MAP7: variants seen among roughly 807,000 people sequenced by gnomAD.
MAP7 encodes microtubule associated protein 7, also known as ensconsin.
MAP7 carries 52 observed loss-of-function variants against 94.8 expected under a neutral mutation model. The ratio of observed to expected loss-of-function variants is 0.55; its 90% CI spans 0.44 to 0.69. The LOEUF (loss-of-function observed/expected upper bound fraction) is 0.69, where lower values mean the gene tolerates loss of function less well. Ranked by LOEUF, MAP7 falls within the 30% of genes least tolerant of loss-of-function variation. The pLI, the probability that MAP7 is intolerant of heterozygous loss-of-function variation, is 0.00. For missense variants in MAP7, 940 were observed against 964.6 expected, an observed-to-expected ratio of 0.97 and a Z score of 0.34; for synonymous variants, 350 against 357.0, an observed-to-expected ratio of 0.98 and a Z score of 0.22.
rs1175915341 is a variant in MAP7, at chr6:136,505,271, G to GTATATA, written c.67+45070_67+45071insTATATA. On this transcript the variant is annotated intron_variant, in intron 1 of 17. Transcript: ENST00000354570. ...ATGTAATGTGTGTGTGTGTGTGTGT[G>GTATATA]TGTGTGTATATATATATATATATAT... Among the ~76,000 whole-genome samples, 310 of 95,244 alleles carry GTATATA rather than the reference G, an allele frequency of 3.3e-3. 2 individuals carry two copies. The highest frequency in any genetic ancestry group is 5.2e-3 in the East Asian group (11 of 2,134). The allele number at this position is 95,244 out of a possible 152,430, so 62.5% of individuals were successfully genotyped here.
At chr6:136,541,509 C>G (rs1480605509) in intron 1 of MAP7, among the ~76,000 whole-genome samples, 1 of 152,152 alleles carries the variant, frequency 6.6e-6, no homozygotes, top group Non-Finnish European at 1.5e-5. Flanking sequence ...ATACTCTAAA[C>G]TTAAAGATAT....
intron 1 of MAP7, among the ~76,000 whole-genome samples, chr6:136,457,852 G>C (rs1803847910): frequency 6.6e-6 from 1 of 152,098 alleles, no homozygotes; most frequent in Non-Finnish European, 1.5e-5. Flanking sequence ...CATCATCTCA[G>C]TAGTGAAAAA....
intron 1 of MAP7, among the ~76,000 whole-genome samples, chr6:136,538,484 A>C (rs1368612537): frequency 1.3e-5 from 2 of 152,058 alleles, no homozygotes; most frequent in Non-Finnish European, 2.9e-5. Context: ...TTAGCAAAGG[A>C]CTTAAAATTT....
chr6:136,372,774 A>G, intron 7 of MAP7, 149 bp from the exon 8 acceptor site: 2 of 882,126 alleles, frequency 2.3e-6, no homozygotes, highest in South Asian at 3.3e-5. Context: ...AGATGTTATT[A>G]CCTAAAGGTG....
intron 1 of MAP7, among the ~76,000 whole-genome samples, chr6:136,422,714 T>C (rs1791766015): frequency 6.6e-6 from 1 of 152,250 alleles, no homozygotes; most frequent in Non-Finnish European, 1.5e-5. Flanking sequence ...ATAGGTTAAA[T>C]TTCGTAAAAT....
intron 1 of MAP7, among the ~76,000 whole-genome samples, chr6:136,498,325 A>C (rs139518292): frequency 3.3e-5 from 5 of 152,182 alleles, no homozygotes; most frequent in African/African-American, 1.2e-4. Context: ...GAGTAGAGGG[A>C]ATAGGGCCCG....
At chr6:136,516,568 G>A (rs574561953) in intron 1 of MAP7, among the ~76,000 whole-genome samples, 1 of 152,142 alleles carries the variant, frequency 6.6e-6, no homozygotes, top group South Asian at 2.1e-4. Context: ...AGCTCCAAGC[G>A]AGACAGTATC....
chr6:136,548,292 A>T (rs1829886728), intron 1 of MAP7, among the ~76,000 whole-genome samples: 1 of 152,146 alleles, frequency 6.6e-6, no homozygotes, highest in Non-Finnish European at 1.5e-5. Context: ...AAACAATCTC[A>T]CTTGTTCTCT....
chr6:136,538,697 T>C (rs2129058989), intron 1 of MAP7, among the ~76,000 whole-genome samples: 1 of 144,690 alleles, frequency 6.9e-6, no homozygotes, highest in East Asian at 2.1e-4. Flanking sequence ...GGGGCTGAGA[T>C]GGGAGGATCG....
At position 136,372,663 on chromosome 6, in the gene MAP7, G is replaced by C. The variant is rs753885884; in HGVS notation, c.752-38C>G. 3 of 1,613,994 alleles carry C rather than the reference G, an allele frequency of 1.9e-6. No individual in the cohort carries two copies. The South Asian group carries it at 3.3e-5, about 18-fold the overall frequency. ...AAATGGGGATAACTAGGGTGCAGGT[G>C]ATTGGTTTTACACACAAGAGTGCCA... On this transcript the variant is annotated intron_variant, in intron 7 of 17. Transcript: ENST00000354570.
chr6:136,389,653 G>T, intron 3 of MAP7, 136 bp from the exon 4 acceptor site: 1 of 712,538 alleles, frequency 1.4e-6, no homozygotes, highest in Non-Finnish European at 2.3e-6. Context: ...AACCAAGCAT[G>T]GCCTTTGCTT....
chr6:136,494,282 T>C (rs925832754), intron 1 of MAP7, among the ~76,000 whole-genome samples: 4 of 152,200 alleles, frequency 2.6e-5, no homozygotes, highest in African/African-American at 9.7e-5. Context: ...GTAGCTAAAT[T>C]AGAATTCTGA....
chr6:136,533,401 A>C (rs1394906923), intron 1 of MAP7, among the ~76,000 whole-genome samples: 1 of 152,218 alleles, frequency 6.6e-6, no homozygotes, highest in East Asian at 1.9e-4. Context: ...GAGCGATACT[A>C]AAGAACAGCA....
chr6:136,495,483 CAT>C lies in MAP7; in HGVS notation c.67+54857_67+54858del, dbSNP rs1010381670. Among the ~76,000 whole-genome samples the C allele has an allele frequency of 4.7e-5, 7 of 149,296 alleles. 1 individual carries two copies. Among genetic ancestry groups the C allele is most frequent in the Admixed American group, 1.3e-4 (2 of 14,992 alleles). On this transcript the variant is annotated intron_variant, in intron 1 of 17. Coordinates refer to ENST00000354570, the MANE Select transcript of MAP7 (RefSeq NM_003980.6). ...ACACACACACACACACACACACACA[CAT>C]AAACACACACACACGTAGAGCATAT...
At chr6:136,531,904 A>G (rs1436179964) in intron 1 of MAP7, among the ~76,000 whole-genome samples, 1 of 152,202 alleles carries the variant, frequency 6.6e-6, no homozygotes, top group Admixed American at 6.5e-5. Context: ...CTCTATATCC[A>G]TAGAAAAAAG....
intron 3 of MAP7, among the ~76,000 whole-genome samples, chr6:136,409,927 G>A (rs1055162622): frequency 6.6e-6 from 1 of 152,136 alleles, no homozygotes; most frequent in African/African-American, 2.4e-5. Flanking sequence ...GGCATTACAT[G>A]TTAAGAAAAA....
intron 1 of MAP7, chr6:136,525,915 T>G: frequency 6.5e-7 from 1 of 1,535,810 alleles, no homozygotes; most frequent in Non-Finnish European, 8.7e-7. Flanking sequence ...TGGCCTTGCA[T>G]TGGTCTTCTT....
At chr6:136,496,947 C>G (rs1164003648) in intron 1 of MAP7, among the ~76,000 whole-genome samples, 2 of 151,526 alleles carry the variant, frequency 1.3e-5, no homozygotes, top group Non-Finnish European at 2.9e-5. Flanking sequence ...GGGCGAGACT[C>G]CATCTCAAAA....
At chr6:136,511,913 T>G (rs1296525940) in intron 1 of MAP7, among the ~76,000 whole-genome samples, 1 of 151,828 alleles carries the variant, frequency 6.6e-6, no homozygotes, top group Non-Finnish European at 1.5e-5. Context: ...CAAGGAAAAA[T>G]GATGGTAGAA....
Sources: allele counts gnomAD v4.1 joint callset (sites outside exome capture counted in the v4.1 genomes callset), GRCh38; gene constraint gnomAD v4.1.1; transcripts MANE v1.5; gene names NCBI Gene and HGNC (gene_info 2026-07-23, HGNC 2026-07-21).